The following KMT2C variants were observed in gnomAD, a reference collection of about 807,000 sequenced individuals.
KMT2C encodes lysine methyltransferase 2C.
A neutral mutation model predicts 507.9 loss-of-function variants in KMT2C; 88 were observed. The observed-to-expected ratio is 0.17, with a 90% confidence interval of 0.15 to 0.21. The LOEUF (loss-of-function observed/expected upper bound fraction) is 0.21. KMT2C is among the 10% of genes least tolerant of loss of function. KMT2C has a pLI of 1.00. For synonymous variants in KMT2C, 2,049 were observed against 2,080.8 expected (o/e 0.98, Z 0.42); for missense variants, 4,954 against 5,957.8 (o/e 0.83, Z 5.55).
chr7:152,184,911 T>C (rs1281537549), intron 34 of KMT2C, among the ~76,000 whole-genome samples: 1 of 152,192 alleles, frequency 6.6e-6, no homozygotes, highest in Non-Finnish European at 1.5e-5. Flanking sequence ...TGCGCCATCA[T>C]ACCCAGCTAA....
intron 6 of KMT2C, among the ~76,000 whole-genome samples, chr7:152,289,911 G>A (rs1419898440): frequency 6.6e-6 from 1 of 151,936 alleles, no homozygotes; most frequent in East Asian, 1.9e-4. Context: ...GCTGGGCCTG[G>A]CGGTGCATGC....
intron 1 of KMT2C, among the ~76,000 whole-genome samples, chr7:152,398,024 G>T (rs1418144170): frequency 6.6e-6 from 1 of 152,104 alleles, no homozygotes; most frequent in Non-Finnish European, 1.5e-5. Flanking sequence ...CATCATTCAC[G>T]TGTGTTTCAA....
chr7:152,310,478 T>C (rs2096661243), intron 5 of KMT2C, among the ~76,000 whole-genome samples: 1 of 152,108 alleles, frequency 6.6e-6, no homozygotes, highest in East Asian at 1.9e-4. Flanking sequence ...GGCATGAGAA[T>C]CGCTTGAACC....
At chr7:152,259,471 C>T (rs959882605) in intron 9 of KMT2C, among the ~76,000 whole-genome samples, 11 of 148,636 alleles carry the variant, frequency 7.4e-5, no homozygotes, top group Non-Finnish European at 1.6e-4. Context: ...CACACACACA[C>T]ACACACACAC....
At chr7:152,306,679 T>C (rs2096617878) in intron 6 of KMT2C, among the ~76,000 whole-genome samples, 1 of 152,174 alleles carries the variant, frequency 6.6e-6, no homozygotes, top group African/African-American at 2.4e-5. Context: ...ATCACCAAAT[T>C]TCCCTCCAAA....
intron 2 of KMT2C, among the ~76,000 whole-genome samples, chr7:152,332,323 G>A (rs574493720): frequency 3.3e-5 from 5 of 152,136 alleles, no homozygotes; most frequent in African/African-American, 1.2e-4. Context: ...CCCCACCAGT[G>A]CTCATGATGC....
chr7:152,315,096 C>T (rs774542550), intron 4 of KMT2C, 42 bp downstream of exon 4: 5 of 1,420,040 alleles, frequency 3.5e-6, no homozygotes, highest in Non-Finnish European at 2.0e-6. Context: ...AAATTATATG[C>T]AGTCTTAATC....
At chr7:152,215,723 T>TACACACAC (rs138045665) in intron 23 of KMT2C, among the ~76,000 whole-genome samples, 1 of 135,916 alleles carries the variant, frequency 7.4e-6, no homozygotes, top group Non-Finnish European at 1.5e-5. Flanking sequence ...TATATATATA[T>TACACACAC]ACACACACAC....
At chr7:152,139,986 C>G (rs78444165) in intron 55 of KMT2C, among the ~76,000 whole-genome samples, 195 bp from the exon 56 acceptor site, 2 of 152,188 alleles carry the variant, frequency 1.3e-5, no homozygotes, top group South Asian at 2.1e-4. Flanking sequence ...TATGCCATCA[C>G]TAGCTTATTC....
intron 1 of KMT2C, among the ~76,000 whole-genome samples, chr7:152,431,556 A>T (rs2097862432): frequency 6.6e-6 from 1 of 151,782 alleles, no homozygotes; most frequent in Non-Finnish European, 1.5e-5. Flanking sequence ...CAGCGAGCCA[A>T]GATCGCACCA....
In KMT2C at chr7:152,391,075, C is replaced by T. The variant is rs1484923504; in HGVS notation, c.162-32400G>A. Among the ~76,000 whole-genome samples, 9 of 118,210 alleles carry T rather than the reference C, an allele frequency of 7.6e-5. No homozygotes were observed. In the Admixed American group the frequency reaches 9.4e-4, roughly 12 times the overall value. The allele number at this position is 118,210 out of a possible 152,430, so 77.6% of individuals were successfully genotyped here. On this transcript the variant is annotated intron_variant, in intron 1 of 58. Coordinates refer to ENST00000262189, the MANE Select transcript of KMT2C (RefSeq NM_170606.3). ...CAGAGAACTGCTTGAACCAGGGAGG[C>T]GGAGGCTGCAGTGAGCCGAGATTGC...
At chr7:152,205,583 G>A (rs1173943032) in intron 24 of KMT2C, among the ~76,000 whole-genome samples, 3 of 152,176 alleles carry the variant, frequency 2.0e-5, no homozygotes, top group Non-Finnish European at 2.9e-5. Context: ...GCATAATGAT[G>A]TTGGTCAACA....
At chr7:152,286,969 A>G (rs1348939231) in intron 6 of KMT2C, among the ~76,000 whole-genome samples, 1 of 152,246 alleles carries the variant, frequency 6.6e-6, no homozygotes, top group Non-Finnish European at 1.5e-5. Flanking sequence ...CAAATGGTAC[A>G]AATAAAAGCC....
intron 1 of KMT2C, among the ~76,000 whole-genome samples, chr7:152,364,125 G>GA (rs1275304447): frequency 6.6e-6 from 1 of 152,050 alleles, no homozygotes; most frequent in Non-Finnish European, 1.5e-5. Context: ...GACTCTGTAT[G>GA]AAAAAAATAA....
chr7:152,290,220 A>ATATGTGTGTGTGTGTGTGTGTG (rs1554617001), intron 6 of KMT2C, among the ~76,000 whole-genome samples: 1 of 86,280 alleles, frequency 1.2e-5, no homozygotes, highest in African/African-American at 4.7e-5. Context: ...TTATATATAT[A>ATATGTGTGTGTGTGTGTGTGTG]TGTGTGTGTG....
chr7:152,291,014 T>C (rs1045124075), intron 6 of KMT2C, among the ~76,000 whole-genome samples: 7 of 152,238 alleles, frequency 4.6e-5, no homozygotes, highest in African/African-American at 1.7e-4. Context: ...TTTTCATGAT[T>C]CATTATTCTT....
chr7:152,329,592 G>C (rs771740591), intron 3 of KMT2C, among the ~76,000 whole-genome samples: 2 of 148,582 alleles, frequency 1.3e-5, no homozygotes, highest in African/African-American at 5.0e-5. Flanking sequence ...AAAAAAGAAA[G>C]GAAAGGAAGA....
In KMT2C at chr7:152,187,887, A is replaced by T. The variant is rs780825959; in HGVS notation, c.4661-40T>A. The T allele has an allele frequency of 1.9e-6, 3 of 1,607,854 alleles. No homozygotes were observed. The African/African-American group carries it at 4.0e-5, about 21-fold the overall frequency. The stretch of plus-strand genomic sequence containing the variant: ...ATAATTCCGTTGGCATGATATTCAC[A>T]AGTAACAAGGAGTTGAAGTAAAGCT... On this transcript the variant is annotated intron_variant, in intron 31 of 58. Transcript: ENST00000262189.
chr7:152,319,639 C>G (rs1235713460), intron 3 of KMT2C, among the ~76,000 whole-genome samples: 1 of 152,050 alleles, frequency 6.6e-6, no homozygotes, highest in Non-Finnish European at 1.5e-5. Context: ...ATCAGTCAGG[C>G]CCGCCCGCAG....
Sources: gnomAD v4.1 joint callset for allele counts (sites outside exome capture counted in the v4.1 genomes callset) on GRCh38, gnomAD v4.1.1 for gene constraint, MANE v1.5 for transcripts, NCBI Gene and HGNC (gene_info 2026-07-23, HGNC 2026-07-21) for gene names.